The following MDN1 variants were observed in gnomAD, a reference collection of about 807,000 sequenced individuals.
MDN1 encodes the protein midasin.
MDN1 carries 266 observed loss-of-function variants against 669.2 expected under a neutral mutation model. That is an observed-to-expected ratio of 0.40 (90% confidence interval 0.36 to 0.44). The LOEUF (loss-of-function observed/expected upper bound fraction) is 0.44, where lower values mean the gene tolerates loss of function less well. Among genes scored for constraint, MDN1 ranks in the 20% least tolerant of loss-of-function variants. The pLI is 1.00. For missense variants in MDN1, 5,940 were observed against 6,754.0 expected, an observed-to-expected ratio of 0.88 and a Z score of 4.22; for synonymous variants, 2,385 against 2,457.1, an observed-to-expected ratio of 0.97 and a Z score of 0.87.
At chr6:89,795,970 T>G (rs750672693) in intron 2 of MDN1, among the ~76,000 whole-genome samples, 1 of 148,430 alleles carries the variant, frequency 6.7e-6, no homozygotes, top group Non-Finnish European at 1.5e-5. Flanking sequence ...AAACAAACAA[T>G]AAAGGTGGGG....
Position 89,761,666 on chromosome 6 carries a change from G to A in MDN1, c.2439C>T (p.Thr813=), listed in dbSNP as rs961076271. ...AQQQMKMTEN[T]LLFAFVEGTL... Reference sequence around the variant, plus strand: ...ATACCTCTACAAATGCGAACAATAAGGTATTTTCAGTCATTTTCATCTGTT... The same window carrying A: ...ATACCTCTACAAATGCGAACAATAAAGTATTTTCAGTCATTTTCATCTGTT... The change falls in exon 17 of 102, where the codon ACC becomes ACT. Residue 813 remains threonine (T), a synonymous_variant. Transcript: ENST00000369393. 9 of 1,610,136 alleles carry A rather than the reference G, an allele frequency of 5.6e-6. No homozygotes were observed. Among genetic ancestry groups the A allele is most frequent in the Non-Finnish European group, 7.6e-6 (9 of 1,178,024 alleles).
intron 15 of MDN1, among the ~76,000 whole-genome samples, chr6:89,768,261 G>T (rs1817903020): frequency 6.6e-6 from 1 of 152,022 alleles, no homozygotes; most frequent in Admixed American, 6.6e-5. Flanking sequence ...GCAAGGGACA[G>T]GTGGGAGGTA....
rs1354843110 is a variant in MDN1 at position 89,714,726 on chromosome 6, G to C, written c.6886C>G (p.His2296Asp). The change falls in exon 46 of 102, where the codon CAT (histidine) becomes GAT (aspartate). Residue 2296 changes from histidine (H) to aspartate (D), a missense_variant. Around this residue, in one of 5 missense-constraint regions of MDN1, gnomAD observed 2,292 missense variants for 2,638.3 expected, o/e 0.87. Transcript: ENST00000369393. ...FRLFLSMDPV[H>D]GDISRAMRNR... ...CTCATAGCTCGGGATATATCTCCAT[G>C]AACAGGATCCATCGAGAGGAAAAGT... 1 of 1,612,330 alleles carries C rather than the reference G, an allele frequency of 6.2e-7. No homozygotes were observed. The highest frequency in any genetic ancestry group is 8.5e-7 in the Non-Finnish European group (1 of 1,179,528).
intron 1 of MDN1, among the ~76,000 whole-genome samples, chr6:89,805,095 C>T (rs1428679055): frequency 7.2e-6 from 1 of 139,462 alleles, no homozygotes; most frequent in Non-Finnish European, 1.6e-5. Context: ...GGTAAGCATA[C>T]AAAGGAAAAC....
chr6:89,787,816 G>C (rs1330268965), intron 8 of MDN1, 38 bp downstream of exon 8: 2 of 1,489,332 alleles, frequency 1.3e-6, no homozygotes, highest in Admixed American at 3.7e-5. Flanking sequence ...ACGAGTAAGT[G>C]GCTCCAGAGT....
chr6:89,815,041 A>G, intron 1 of MDN1: 1 of 511,576 alleles, frequency 2.0e-6, no homozygotes, highest in Non-Finnish European at 3.6e-6. Flanking sequence ...GAGGAGGAAG[A>G]AAGGGGTACA....
rs1334587679 is a variant in MDN1, at chr6:89,803,506, A to C, written c.151T>G (p.Leu51Val). The C allele has an allele frequency of 6.2e-7, 1 of 1,614,038 alleles. No individual in the cohort carries two copies. Among genetic ancestry groups the C allele is most frequent in the African/African-American group, 1.3e-5 (1 of 75,016 alleles). The change falls in exon 2 of 102, where the codon TTG (leucine) becomes GTG (valine). Residue 51 changes from leucine to valine, a missense_variant. Coordinates refer to ENST00000369393, the MANE Select transcript of MDN1 (RefSeq NM_014611.3). ...ACAGTACAGTCCTTATCCAAAAGCA[A>C]CTGTGCTAAGGTACTCAGGACACAC... is the stretch of plus-strand genomic sequence containing the variant. ...RQCVLSTLAQ[L>V]LLDKDCTVLV...
intron 62 of MDN1, 45 bp downstream of exon 62, chr6:89,694,029 G>A: frequency 6.8e-7 from 1 of 1,460,992 alleles, no homozygotes; most frequent in African/African-American, 1.4e-5. Context: ...ACATCAAAAG[G>A]AGAGTCAATA....
intron 26 of MDN1, among the ~76,000 whole-genome samples, chr6:89,748,073 TC>T (rs909274012): frequency 6.6e-6 from 1 of 151,736 alleles, no homozygotes. Flanking sequence ...ACACCTGTAA[TC>T]CCAGCACTTT....
chr6:89,719,725 C>T (rs1419201210), intron 40 of MDN1, among the ~76,000 whole-genome samples: 1 of 152,174 alleles, frequency 6.6e-6, no homozygotes, highest in South Asian at 2.1e-4. Context: ...ATATAGACAA[C>T]AGCACTCACA....
chr6:89,759,021 C>A, intron 17 of MDN1, 61 bp from the exon 18 acceptor site: 4 of 1,519,120 alleles, frequency 2.6e-6, no homozygotes, highest in Non-Finnish European at 3.6e-6. Flanking sequence ...TTGCCAAGAA[C>A]AGTTATGCAA....
chr6:89,742,498 A>G (rs1816345657), intron 31 of MDN1, among the ~76,000 whole-genome samples: 1 of 152,236 alleles, frequency 6.6e-6, no homozygotes, highest in South Asian at 2.1e-4. Flanking sequence ...CTAGCTCTGC[A>G]ACTACTAAAT....
intron 37 of MDN1, among the ~76,000 whole-genome samples, chr6:89,726,676 A>AGT (rs1815261766): frequency 6.6e-6 from 1 of 152,112 alleles, no homozygotes; most frequent in Non-Finnish European, 1.5e-5. Context: ...AACAATTACA[A>AGT]GGGGCTCTTG....
chr6:89,648,805 C>T (rs1451002288), intron 97 of MDN1, among the ~76,000 whole-genome samples: 5 of 120,356 alleles, frequency 4.2e-5, no homozygotes, highest in African/African-American at 1.7e-4. Context: ...ACCCTGTAAC[C>T]CTGTCTTCAA....
chr6:89,744,458 A>G (rs912883967), intron 29 of MDN1, among the ~76,000 whole-genome samples: 2 of 152,086 alleles, frequency 1.3e-5, no homozygotes, highest in African/African-American at 4.8e-5. Flanking sequence ...GCTGGAGTGC[A>G]ATGGCACGAT....
Position 89,679,682 on chromosome 6 carries a change from A to G in MDN1, c.12265+907T>C, listed in dbSNP as rs576805917. ...AGGAGAGAGGCTTCAGAAGTAATCA[A>G]CCTTGCTGACACCTTGATCTTGGAC... On this transcript the variant is annotated intron_variant, in intron 74 of 101. Coordinates refer to ENST00000369393, the MANE Select transcript of MDN1 (RefSeq NM_014611.3). Among the ~76,000 whole-genome samples the G allele has an allele frequency of 2.0e-5, 3 of 152,304 alleles. No individual in the cohort carries two copies. The East Asian group carries it at 5.8e-4, about 29-fold the overall frequency.
In MDN1 at chr6:89,743,613, C is replaced by A; in HGVS notation, c.4280G>T (p.Gly1427Val). Residue 1427 changes from glycine (G) to valine (V), a missense_variant, in exon 30 of 102, where the codon GGT becomes GTT. Physicochemically the swap from Gly to Val is moderately radical, Grantham distance 109. This residue lies in a region of MDN1 where 2,292 missense variants were observed against 2,638.3 expected (regional missense o/e 0.87). Coordinates refer to ENST00000369393, the MANE Select transcript of MDN1 (RefSeq NM_014611.3). ...HLHMETSDFLGGLRPVRQKPN... is the reference protein window; with the variant it reads ...HLHMETSDFLVGLRPVRQKPN... ...CTTTTGTCTCACTGGCCGCAGGCCA[C>A]CCAGGAAGTCTGATGTCTCCATGTG... 1 of 1,614,088 alleles carries A rather than the reference C, an allele frequency of 6.2e-7. No individual in the cohort carries two copies. Among genetic ancestry groups the A allele is most frequent in the Non-Finnish European group, 8.5e-7 (1 of 1,179,948 alleles).
At chr6:89,721,142 A>C (rs932228296) in intron 40 of MDN1, among the ~76,000 whole-genome samples, 1 of 152,222 alleles carries the variant, frequency 6.6e-6, no homozygotes, top group Non-Finnish European at 1.5e-5. Context: ...TGCCTCAAAA[A>C]AAATAAGAAC....
Position 89,803,259 on chromosome 6 carries a change from C to T in MDN1, c.329+69G>A, listed in dbSNP as rs541255425. On this transcript the variant is annotated intron_variant, in intron 2 of 101. Transcript: ENST00000369393. ...GTTTTACCTTCTCAGCTCAGACTCCCTTACATCCCAGGAGACAGCAGGTTC... is the reference window on the plus strand; with the variant it reads ...GTTTTACCTTCTCAGCTCAGACTCCTTTACATCCCAGGAGACAGCAGGTTC... The T allele has an allele frequency of 7.8e-4, 1,057 of 1,356,306 alleles. 4 individuals carry two copies. Among genetic ancestry groups the T allele is most frequent in the Middle Eastern group, 2.7e-3 (15 of 5,558 alleles). The allele number at this position is 1,356,306 out of a possible 1,614,324, so 84.0% of individuals were successfully genotyped here.
Sources: gnomAD v4.1 joint callset for allele counts (sites outside exome capture counted in the v4.1 genomes callset) on GRCh38, gnomAD v4.1.1 for gene constraint, gnomAD v4.1.1 regional missense constraint, MANE v1.5 for transcripts, NCBI Gene and HGNC (gene_info 2026-07-23, HGNC 2026-07-21) for gene names.